PRKCB: variants seen among roughly 807,000 people sequenced by gnomAD.
The protein encoded by PRKCB is protein kinase C beta.
Under a neutral mutation model 81.5 loss-of-function variants are expected in PRKCB, and 13 were observed. The ratio of observed to expected loss-of-function variants is 0.16; its 90% CI spans 0.10 to 0.25. PRKCB has a LOEUF of 0.25. Among genes scored for constraint, PRKCB ranks in the 10% least tolerant of loss-of-function variants. The probability of loss-of-function intolerance (pLI) is 1.00; values close to 1 mark genes in which losing one functional copy is unlikely to be tolerated. For synonymous variants in PRKCB, 335 were observed against 321.4 expected, an observed-to-expected ratio of 1.04 and a Z score of -0.45; for missense variants, 509 against 875.7, an observed-to-expected ratio of 0.58 and a Z score of 5.29.
At chr16:24,171,695 G>A (rs1423586249) in intron 10 of PRKCB, among the ~76,000 whole-genome samples, 1 of 152,042 alleles carries the variant, frequency 6.6e-6, no homozygotes, top group Admixed American at 6.6e-5. Flanking sequence ...TATGCTAATT[G>A]TATTTTCCAG....
intron 2 of PRKCB, among the ~76,000 whole-genome samples, chr16:23,943,961 G>A (rs1004986891): frequency 2.0e-5 from 3 of 152,222 alleles, no homozygotes; most frequent in Non-Finnish European, 4.4e-5. Flanking sequence ...ATTTTGTAGA[G>A]AGGTAAGGAC....
chr16:23,926,762 G>A (rs1963902698), intron 2 of PRKCB, among the ~76,000 whole-genome samples: 1 of 151,596 alleles, frequency 6.6e-6, no homozygotes, highest in African/African-American at 2.4e-5. Flanking sequence ...CTATTGTACT[G>A]TGATAAACGT....
intron 9 of PRKCB, among the ~76,000 whole-genome samples, chr16:24,127,166 C>T (rs1966845988): frequency 6.6e-6 from 1 of 151,824 alleles, no homozygotes; most frequent in Admixed American, 6.6e-5. Context: ...GCCACCACGC[C>T]CAGCTAATTT....
chr16:24,105,590 T>C (rs9940561), intron 7 of PRKCB, among the ~76,000 whole-genome samples: 4,763 of 152,246 alleles, frequency 0.031, 235 homozygotes, highest in African/African-American at 0.11. Context: ...TGTCCATGTG[T>C]TCTCATTGTT....
intron 2 of PRKCB, among the ~76,000 whole-genome samples, chr16:23,935,253 T>G (rs188632463): frequency 6.6e-4 from 100 of 152,304 alleles, no homozygotes; most frequent in African/African-American, 2.2e-3. Flanking sequence ...AGCAGCAGTA[T>G]TCATTAAAGG....
intron 3 of PRKCB, among the ~76,000 whole-genome samples, chr16:24,003,474 T>C (rs368297495): frequency 9.3e-5 from 14 of 150,772 alleles, no homozygotes; most frequent in Admixed American, 3.3e-4. Context: ...AACCTCTGCC[T>C]CCTGAATTCA....
At chr16:23,988,372 A>G in intron 2 of PRKCB, 136 bp from the exon 3 acceptor site, 2 of 650,356 alleles carry the variant, frequency 3.1e-6, no homozygotes, top group South Asian at 1.9e-5. Context: ...AGAAGCTGAC[A>G]TTATTGTTTA....
intron 8 of PRKCB, among the ~76,000 whole-genome samples, chr16:24,121,534 A>G (rs1966797957): frequency 1.3e-5 from 2 of 152,076 alleles, no homozygotes; most frequent in African/African-American, 4.8e-5. Flanking sequence ...CACTGCCACC[A>G]TGTCCAGCTA....
At chr16:23,893,433 T>C (rs1963325021) in intron 2 of PRKCB, 1 of 152,266 alleles carries the variant, frequency 6.6e-6, no homozygotes, top group Admixed American at 6.5e-5. Flanking sequence ...ATGTCCTGAT[T>C]ACCCCTTATC....
At chr16:24,171,928 A>G (rs1225064854) in intron 10 of PRKCB, among the ~76,000 whole-genome samples, 1 of 151,880 alleles carries the variant, frequency 6.6e-6, no homozygotes, top group Non-Finnish European at 1.5e-5. Context: ...TTTTCAGTAG[A>G]GATGGAGTTT....
rs1389968470 is a variant in PRKCB at position 24,215,555 on chromosome 16, G to A, written c.*739G>A. 1 of 985,266 alleles carries A rather than the reference G, an allele frequency of 1.0e-6. No homozygotes were observed. Among genetic ancestry groups the A allele is most frequent in the African/African-American group, 1.8e-5 (1 of 57,064 alleles). The allele number at this position is 985,266 out of a possible 1,614,324, so 61.0% of individuals were successfully genotyped here. On this transcript the variant is annotated 3_prime_UTR_variant, in exon 17 of 17. Transcript: ENST00000643927. ...TCTCTGAAACAACACAGTCACTCTA[G>A]CAAGGCCCCCAAAGGGCCCTGGTTT...
chr16:24,111,476 G>A (rs771244855), intron 7 of PRKCB, among the ~76,000 whole-genome samples: 1 of 151,862 alleles, frequency 6.6e-6, no homozygotes, highest in Non-Finnish European at 1.5e-5. Context: ...ACAAACTGAA[G>A]CCCCCATGTT....
intron 10 of PRKCB, among the ~76,000 whole-genome samples, chr16:24,166,992 G>T (rs921324867): frequency 6.6e-6 from 1 of 152,026 alleles, no homozygotes; most frequent in Non-Finnish European, 1.5e-5. Context: ...CTTCCAAGCA[G>T]AAAGCAAGCA....
At chr16:24,113,333 G>T (rs1031562474) in intron 8 of PRKCB, among the ~76,000 whole-genome samples, 73 of 147,962 alleles carry the variant, frequency 4.9e-4, no homozygotes, top group Non-Finnish European at 1.0e-3. Context: ...TTTCTTTCTT[G>T]CTTGCTTTCT....
At chr16:24,093,513 C>A (rs1208887378) in intron 6 of PRKCB, among the ~76,000 whole-genome samples, 1 of 152,228 alleles carries the variant, frequency 6.6e-6, no homozygotes, top group Non-Finnish European at 1.5e-5. Flanking sequence ...GATCCGACTT[C>A]ATCGGCTCAT....
intron 2 of PRKCB, among the ~76,000 whole-genome samples, chr16:23,915,689 C>CAAAAAAAAAAAAAAAAAAAAAAA (rs71154259): frequency 3.7e-5 from 2 of 54,530 alleles, no homozygotes; most frequent in African/African-American, 1.5e-4. Flanking sequence ...GACTCTCTAT[C>CAAAAAAAAAAAAAAAAAAAAAAA]AAAAAAAAAA....
intron 3 of PRKCB, among the ~76,000 whole-genome samples, chr16:24,008,126 A>G (rs1486920000): frequency 1.3e-5 from 2 of 152,190 alleles, no homozygotes; most frequent in Admixed American, 6.5e-5. Context: ...TTATAATTCC[A>G]TTTCACAGAT....
intron 5 of PRKCB, among the ~76,000 whole-genome samples, chr16:24,058,068 C>G (rs1218686944): frequency 6.6e-6 from 1 of 152,186 alleles, no homozygotes; most frequent in African/African-American, 2.4e-5. Flanking sequence ...AGCCACATCT[C>G]TGAGCCAACA....
intron 2 of PRKCB, among the ~76,000 whole-genome samples, chr16:23,896,788 C>A (rs1963385017): frequency 6.6e-6 from 1 of 152,180 alleles, no homozygotes; most frequent in South Asian, 2.1e-4. Flanking sequence ...AAGGAATGCA[C>A]ACAAGTGAAG....
Sources: allele counts gnomAD v4.1 joint callset (sites outside exome capture counted in the v4.1 genomes callset), GRCh38; gene constraint gnomAD v4.1.1; transcripts MANE v1.5; gene names NCBI Gene and HGNC (gene_info 2026-07-23, HGNC 2026-07-21).